Variants in SORBS2 observed in about 807,000 individuals in gnomAD.
The protein encoded by SORBS2 is sorbin and SH3 domain-containing protein 2.
SORBS2 carries 46 observed loss-of-function variants against 97.7 expected under a neutral mutation model. That is an observed-to-expected ratio of 0.47 (90% confidence interval 0.37 to 0.60). SORBS2 has a LOEUF of 0.60. Ranked by LOEUF, SORBS2 falls within the 20% of genes least tolerant of loss-of-function variation. SORBS2 has a pLI of 0.00. For missense variants in SORBS2, 1,316 were observed against 1,282.3 expected, an observed-to-expected ratio of 1.03 and a Z score of -0.40; for synonymous variants, 476 against 473.4, an observed-to-expected ratio of 1.01 and a Z score of -0.07.
chr4:185,785,485 G>A (rs563796858), intron 1 of SORBS2, among the ~76,000 whole-genome samples: 1 of 152,284 alleles, frequency 6.6e-6, no homozygotes, highest in South Asian at 2.1e-4. Flanking sequence ...TAAATATTTT[G>A]TCTTTCTAGT....
At chr4:185,705,020 T>C (rs2098323390) in intron 2 of SORBS2, among the ~76,000 whole-genome samples, 1 of 152,088 alleles carries the variant, frequency 6.6e-6, no homozygotes, top group African/African-American at 2.4e-5. Context: ...CAGATAAACG[T>C]GAGAGAAAAA....
intron 1 of SORBS2, among the ~76,000 whole-genome samples, chr4:185,870,736 C>T (rs1047149652): frequency 6.6e-6 from 1 of 152,200 alleles, no homozygotes; most frequent in African/African-American, 2.4e-5. Context: ...CAGAATCCAC[C>T]TTTGGTGAGG....
chr4:185,722,425 A>C (rs912647852), intron 2 of SORBS2, among the ~76,000 whole-genome samples: 1 of 152,230 alleles, frequency 6.6e-6, no homozygotes, highest in Non-Finnish European at 1.5e-5. Context: ...TTATTTGGAA[A>C]ACAGTCTCTG....
chr4:185,640,889 C>G (rs2097113995), intron 4 of SORBS2, among the ~76,000 whole-genome samples: 1 of 152,114 alleles, frequency 6.6e-6, no homozygotes, highest in African/African-American at 2.4e-5. Context: ...ATGTTACACA[C>G]TGAATGATAT....
intron 2 of SORBS2, among the ~76,000 whole-genome samples, chr4:185,694,655 T>G (rs2098144156): frequency 6.6e-6 from 1 of 152,108 alleles, no homozygotes; most frequent in Non-Finnish European, 1.5e-5. Context: ...GTCTATAGTC[T>G]TTTAATTTTG....
chr4:185,702,337 A>C (rs1467348989), intron 2 of SORBS2, among the ~76,000 whole-genome samples: 1 of 152,158 alleles, frequency 6.6e-6, no homozygotes, highest in African/African-American at 2.4e-5. Context: ...CGAGAGCAGA[A>C]GCAAGAGAGA....
chr4:185,775,265 G>A (rs1273749437), exon 2 of SORBS2: 1 of 152,586 alleles, frequency 6.6e-6, no homozygotes, highest in South Asian at 2.1e-4. Context: ...CTATACAGAG[G>A]AAGTAGGAGT....
At chr4:185,779,217 G>A (rs978821298) in intron 1 of SORBS2, among the ~76,000 whole-genome samples, 1 of 152,132 alleles carries the variant, frequency 6.6e-6, no homozygotes, top group African/African-American at 2.4e-5. Flanking sequence ...CAGGGTGCCT[G>A]GGTTCGAATC....
At chr4:185,646,852 A>G in intron 3 of SORBS2, 70 bp from the exon 13 acceptor site, 2 of 910,100 alleles carry the variant, frequency 2.2e-6, no homozygotes, top group Non-Finnish European at 3.6e-6. Flanking sequence ...AAAACCAGTT[A>G]TCTGTTTTCA....
intron 1 of SORBS2, among the ~76,000 whole-genome samples, chr4:185,836,623 T>C (rs2099208239): frequency 6.6e-6 from 1 of 152,066 alleles, no homozygotes; most frequent in South Asian, 2.1e-4. Context: ...CCTCAGAAAG[T>C]TTCATAATTT....
chr4:185,925,833 T>A (rs2099263349), intron 1 of SORBS2, among the ~76,000 whole-genome samples: 1 of 152,070 alleles, frequency 6.6e-6, no homozygotes, highest in Non-Finnish European at 1.5e-5. Flanking sequence ...AGAGTCCGGG[T>A]GCAGGGTGAC....
At chr4:185,751,613 T>G (rs2098800792) in intron 2 of SORBS2, among the ~76,000 whole-genome samples, 1 of 151,512 alleles carries the variant, frequency 6.6e-6, no homozygotes, top group Non-Finnish European at 1.5e-5. Context: ...CTCCAAAGAG[T>G]GTAGATACAT....
chr4:185,897,379 CCACT>C (rs982468602), intron 1 of SORBS2, among the ~76,000 whole-genome samples: 26 of 152,296 alleles, frequency 1.7e-4, no homozygotes, highest in African/African-American at 6.3e-4. Context: ...CTGGGTGTCC[CCACT>C]CAGTCTATTC....
intron 1 of SORBS2, among the ~76,000 whole-genome samples, chr4:185,907,677 T>C (rs1026217625): frequency 1.4e-4 from 21 of 152,150 alleles, no homozygotes; most frequent in Admixed American, 6.6e-4. Flanking sequence ...CTCAGTTCTT[T>C]AGTGGAAAAT....
chr4:185,867,806 C>T (rs1004934276), intron 1 of SORBS2, among the ~76,000 whole-genome samples: 1 of 152,116 alleles, frequency 6.6e-6, no homozygotes, highest in African/African-American at 2.4e-5. Context: ...CTGCTTGTTG[C>T]CATACTTGGC....
intron 12 of SORBS2, among the ~76,000 whole-genome samples, chr4:185,596,848 A>G: frequency 6.6e-6 from 1 of 151,976 alleles, no homozygotes; most frequent in South Asian, 2.1e-4. Flanking sequence ...CCTTGCTTTT[A>G]CCTGTTTCCC....
chr4:185,928,707 G>A (rs1268203956), intron 1 of SORBS2, among the ~76,000 whole-genome samples: 1 of 152,092 alleles, frequency 6.6e-6, no homozygotes, highest in Non-Finnish European at 1.5e-5. Flanking sequence ...CACCACGCCT[G>A]GCTAATTATT....
At position 185,910,264 on chromosome 4, in the gene SORBS2, A is replaced by G. The variant is rs376087428; in HGVS notation, c.-338+45932T>C. Among the ~76,000 whole-genome samples, 46 of 152,314 alleles carry G rather than the reference A, an allele frequency of 3.0e-4. 1 individual carries two copies. The East Asian group carries it at 7.7e-3, about 26-fold the overall frequency. ...TAAAATGCTATGGTTCCCACTGACG[A>G]GAAGGGCCTGGCCACACCCTACTCC... On this transcript the variant is annotated intron_variant, in intron 1 of 20. Coordinates refer to the SORBS2 transcript ENST00000284776.
chr4:185,638,268 C>T (rs2097058488), intron 4 of SORBS2, 106 bp from the exon 15 acceptor site: 2 of 739,652 alleles, frequency 2.7e-6, no homozygotes, highest in South Asian at 3.0e-5. Flanking sequence ...CGCAAACATG[C>T]ATCAACTCTC....
Sources: allele counts gnomAD v4.1 joint callset (sites outside exome capture counted in the v4.1 genomes callset), GRCh38; gene constraint gnomAD v4.1.1; transcripts MANE v1.5; gene names NCBI Gene and HGNC (gene_info 2026-07-23, HGNC 2026-07-21).